The following BDH1 variants were observed in gnomAD, a reference collection of about 807,000 sequenced individuals.
BDH1 encodes the protein D-beta-hydroxybutyrate dehydrogenase, mitochondrial.
BDH1 carries 30 observed loss-of-function variants against 33.1 expected under a neutral mutation model. The observed-to-expected ratio is 0.91, with a 90% CI of 0.68 to 1.23. The LOEUF is 1.23. Ranked by LOEUF, BDH1 falls within the 50% of genes most tolerant of loss-of-function variation. BDH1 has a pLI of 0.00. For synonymous variants in BDH1, 190 were observed against 183.6 expected (o/e 1.03, Z -0.28); for missense variants, 443 against 464.4 (o/e 0.95, Z 0.42).
chr3:197,517,232 T>TGTC lies in BDH1; in HGVS notation c.410-2817_410-2816insGAC, dbSNP rs1560306281. 3.1e-3 allele frequency among the ~76,000 whole-genome samples: 367 copies of TGTC among 118,332 alleles called. 4 individuals are homozygous for TGTC. The highest frequency in any genetic ancestry group is 0.01 in the African/African-American group (318 of 30,294). 77.6% of individuals were successfully genotyped at this position (118,332 alleles called of 152,430 possible). On this transcript the variant is annotated intron_variant, in intron 6 of 7. Transcript: ENST00000392379. Reference sequence around the variant, plus strand: ...GTCACTTCCTGCTCTATGGTCTCCATCCCCCCTCAGGCCGACCCCCGCATC... The same window carrying TGTC: ...GTCACTTCCTGCTCTATGGTCTCCATGTCCCCCCCTCAGGCCGACCCCCGCATC...
rs374039230 is a variant in BDH1 at position 197,512,182 on chromosome 3, T to C, written c.745A>G (p.Ser249Gly). ...GCGATGGCCTGAATGCTCTCAGGGC[T>C]GTAAAGGCTGGTGGCAGCGATGAAG... ...GNFIAATSLY[S>G]PESIQAIAKK... Residue 249 changes from serine to glycine, a missense_variant, in exon 8 of 8, where the codon AGC becomes GGC. Coordinates refer to ENST00000392379, the MANE Select transcript of BDH1 (RefSeq NM_203314.3). The C allele has an allele frequency of 3.7e-6, 6 of 1,613,980 alleles. No homozygotes were observed. Among genetic ancestry groups the C allele is most frequent in the Admixed American group, 3.3e-5 (2 of 59,994 alleles).
upstream of BDH1, among the ~76,000 whole-genome samples, chr3:197,560,295 A>G (rs2108772783): frequency 6.6e-6 from 1 of 152,376 alleles, no homozygotes; most frequent in African/African-American, 2.4e-5. Context: ...AATTTAGCCT[A>G]AATATTTGCC....
At chr3:197,562,448 C>T (rs182642465) in intron 1 of BDH1, among the ~76,000 whole-genome samples, 4 of 152,302 alleles carry the variant, frequency 2.6e-5, no homozygotes, top group East Asian at 3.9e-4. Flanking sequence ...CAGCGAAAGG[C>T]GTCCCTGGGT....
rs369147228 is a variant in BDH1, at chr3:197,525,054, C to T, written c.268-2273G>A. Among the ~76,000 whole-genome samples, 4 of 152,178 alleles carry T rather than the reference C, an allele frequency of 2.6e-5. No individual in the cohort carries two copies. The highest frequency in any genetic ancestry group is 1.9e-4 in the East Asian group (1 of 5,194). On this transcript the variant is annotated intron_variant, in intron 5 of 7. Transcript: ENST00000392379. This position sits in a 1 kb window ranked among gnomAD's most constrained non-coding sequence, Gnocchi z 4.9. ...GGTGCGCCGACCTTCCCAAACAAGA[C>T]GCAGGCATGAGATGCACGGGACAGA...
At position 197,524,898 on chromosome 3, in the gene BDH1, TC is replaced by T. The variant is rs576534599; in HGVS notation, c.268-2118del. Among the ~76,000 whole-genome samples the T allele has an allele frequency of 4.7e-3, 717 of 152,232 alleles. 3 individuals carry two copies. Among genetic ancestry groups the T allele is most frequent in the Non-Finnish European group, 8.0e-3 (546 of 68,016 alleles). ...CCTGGTTTTCCATGGAAAGGAAGCC[TC>T]CCCAGTGGCCCTTTGAAAAGGCACT... On this transcript the variant is annotated intron_variant, in intron 5 of 7. Coordinates refer to ENST00000392379, the MANE Select transcript of BDH1 (RefSeq NM_203314.3).
upstream of BDH1, among the ~76,000 whole-genome samples, chr3:197,558,056 G>A (rs2108771395): frequency 6.6e-6 from 1 of 152,354 alleles, no homozygotes; most frequent in South Asian, 2.1e-4. Flanking sequence ...CATAGATCCT[G>A]ACTCTGAGAA....
At position 197,572,671 on chromosome 3, in the gene BDH1, A is replaced by C. The variant is rs183500595; in HGVS notation, c.-44+510T>G. On this transcript the variant is annotated intron_variant, in intron 1 of 6. Transcript: ENST00000358186. ...AGGATCCCTTGAGCCCACGAGTTTG[A>C]GGCTGCAGTGAGGTATGATTGTACC... 3.3e-4 allele frequency among the ~76,000 whole-genome samples: 51 copies of C among 152,334 alleles called. No individual in the cohort carries two copies. In the East Asian group the frequency reaches 9.8e-3, roughly 29 times the overall value.
In BDH1 at chr3:197,523,788, G is replaced by C. The variant is rs1005177196; in HGVS notation, c.268-1007C>G. On this transcript the variant is annotated intron_variant, in intron 5 of 7. Coordinates refer to ENST00000392379, the MANE Select transcript of BDH1 (RefSeq NM_203314.3). The surrounding 1 kb of genome is among the most constrained non-coding windows in gnomAD (Gnocchi z 4.5). Reference sequence around the variant, plus strand: ...GGGCAGGGGAGACCTTCCAAAGGCAGTGACAGCTGAGGACATTCACAAGAG... The same window carrying C: ...GGGCAGGGGAGACCTTCCAAAGGCACTGACAGCTGAGGACATTCACAAGAG... Among the ~76,000 whole-genome samples, 1 of 152,138 alleles carries C rather than the reference G, an allele frequency of 6.6e-6. No homozygotes were observed. The highest frequency in any genetic ancestry group is 2.4e-5 in the African/African-American group (1 of 41,428).
intron 1 of BDH1, among the ~76,000 whole-genome samples, chr3:197,566,806 G>A (rs2108776546): frequency 6.6e-6 from 1 of 152,220 alleles, no homozygotes; most frequent in Middle Eastern, 3.4e-3. Flanking sequence ...AGTCTTCAAA[G>A]TAATTTTTGT....
intron 1 of BDH1, among the ~76,000 whole-genome samples, chr3:197,564,888 C>A (rs1323628129): frequency 6.6e-6 from 1 of 152,096 alleles, no homozygotes; most frequent in African/African-American, 2.4e-5. Flanking sequence ...TTTTAGAGAA[C>A]AAATTTAATT....
chr3:197,532,568 G>A, intron 4 of BDH1, 46 bp from the exon 5 acceptor site: 1 of 1,462,786 alleles, frequency 6.8e-7, no homozygotes. Context: ...GTGGTACAGG[G>A]GCAAAGTGAC....
At chr3:197,568,288 T>TG (rs112312671) in intron 1 of BDH1, among the ~76,000 whole-genome samples, 3,309 of 147,382 alleles carry the variant, frequency 0.022, 47 homozygotes, top group Non-Finnish European at 0.029. Context: ...TAAAGTTTTG[T>TG]GGGTTTTTTT....
chr3:197,525,579 A>T lies in BDH1; in HGVS notation c.268-2798T>A, dbSNP rs1714011183. Among the ~76,000 whole-genome samples, 1 of 152,218 alleles carries T rather than the reference A, an allele frequency of 6.6e-6. No individual in the cohort carries two copies. The highest frequency in any genetic ancestry group is 2.1e-4 in the South Asian group (1 of 4,832). Reference sequence around the variant, plus strand: ...TGCCCACGGCTTCAGGCTCCCGAGGAGAGCAACGCTACCCTCCTATCTTCA... The same window carrying T: ...TGCCCACGGCTTCAGGCTCCCGAGGTGAGCAACGCTACCCTCCTATCTTCA... On this transcript the variant is annotated intron_variant, in intron 5 of 7. Transcript: ENST00000392379. The surrounding 1 kb of genome is among the most constrained non-coding windows in gnomAD (Gnocchi z 4.9).
intron 6 of BDH1, among the ~76,000 whole-genome samples, chr3:197,519,861 C>T (rs1713336805): frequency 1.3e-5 from 2 of 152,068 alleles, no homozygotes; most frequent in South Asian, 4.2e-4. Flanking sequence ...TGGCAGATGG[C>T]TCTGTGGCTC....
At position 197,546,348 on chromosome 3, in the gene BDH1, T is replaced by C; in HGVS notation, c.83+13A>G. ...GTGTCCCCTCAAGGCCACCACCACCTCTGGTTGCTTACCTTGCTCCATTTT... is the reference window on the plus strand; with the variant it reads ...GTGTCCCCTCAAGGCCACCACCACCCCTGGTTGCTTACCTTGCTCCATTTT... On this transcript the variant is annotated intron_variant, in intron 3 of 7. Transcript: ENST00000392379. The C allele has an allele frequency of 6.2e-7, 1 of 1,613,932 alleles. No homozygotes were observed. Among genetic ancestry groups the C allele is most frequent in the South Asian group, 1.1e-5 (1 of 91,064 alleles).
chr3:197,516,765 C>A lies in BDH1; in HGVS notation c.410-2349G>T, dbSNP rs1171800413. 6.6e-6 allele frequency among the ~76,000 whole-genome samples: 1 copy of A among 151,972 alleles called. No homozygotes were observed. Among genetic ancestry groups the A allele is most frequent in the Non-Finnish European group, 1.5e-5 (1 of 67,976 alleles). On this transcript the variant is annotated intron_variant, in intron 6 of 7. Coordinates refer to ENST00000392379, the MANE Select transcript of BDH1 (RefSeq NM_203314.3). This position sits in a 1 kb window ranked among gnomAD's most constrained non-coding sequence, Gnocchi z 4.2. ...CTGTGACTCCTCCAGCTCCTCCACC[C>A]CTCCCCCACCTACTGAGTCACCCAG...
intron 7 of BDH1, among the ~76,000 whole-genome samples, chr3:197,512,824 C>T (rs774265765): frequency 6.6e-6 from 1 of 152,156 alleles, no homozygotes; most frequent in Non-Finnish European, 1.5e-5. Context: ...TCCAGTAGTA[C>T]GACGTGCAGA....
chr3:197,563,968 G>A (rs998221116), intron 1 of BDH1, among the ~76,000 whole-genome samples: 2 of 151,948 alleles, frequency 1.3e-5, no homozygotes, highest in African/African-American at 2.4e-5. Flanking sequence ...CAGGCGTGGT[G>A]GTAGGCTACT....
chr3:197,533,304 A>G (rs896184498), intron 4 of BDH1, among the ~76,000 whole-genome samples, 185 bp downstream of exon 4: 9 of 151,898 alleles, frequency 5.9e-5, no homozygotes, highest in Admixed American at 1.3e-4. Flanking sequence ...CTTCCTCCCC[A>G]CATGGATGGG....
Sources: gnomAD v4.1 joint callset for allele counts (sites outside exome capture counted in the v4.1 genomes callset) on GRCh38, gnomAD v4.1.1 for gene constraint, Gnocchi (gnomAD v3.1) non-coding constraint, MANE v1.5 for transcripts, NCBI Gene and HGNC (gene_info 2026-07-23, HGNC 2026-07-21) for gene names.